The following STN1 variants were observed in gnomAD, a reference collection of about 807,000 sequenced individuals.
The protein encoded by STN1 is STN1 subunit of CST complex.
A neutral mutation model predicts 45.5 loss-of-function variants in STN1; 29 were observed. The ratio of observed to expected loss-of-function variants is 0.64; its 90% CI spans 0.47 to 0.87. The LOEUF (loss-of-function observed/expected upper bound fraction) is 0.87, where lower values mean the gene tolerates loss of function less well. Ranked by LOEUF, STN1 falls within the 40% of genes least tolerant of loss-of-function variation. STN1 has a pLI of 0.00. For synonymous variants in STN1, 148 were observed against 159.0 expected, an observed-to-expected ratio of 0.93 and a Z score of 0.52; for missense variants, 376 against 441.4, an observed-to-expected ratio of 0.85 and a Z score of 1.33.
intron 6 of STN1, among the ~76,000 whole-genome samples, chr10:103,898,050 T>C (rs1167010078): frequency 6.6e-6 from 1 of 152,158 alleles, no homozygotes; most frequent in African/African-American, 2.4e-5. Flanking sequence ...AAGAAACTAA[T>C]TTAAAAAGAC....
At chr10:103,908,215 A>G (rs1014044240) in intron 3 of STN1, among the ~76,000 whole-genome samples, 7 of 151,956 alleles carry the variant, frequency 4.6e-5, no homozygotes, top group Non-Finnish European at 8.8e-5. Flanking sequence ...CCAATATTCT[A>G]GGTCTAAGCT....
At chr10:103,894,660 T>A (rs1232186876) in intron 7 of STN1, among the ~76,000 whole-genome samples, 1 of 144,824 alleles carries the variant, frequency 6.9e-6, no homozygotes, top group Non-Finnish European at 1.5e-5. Context: ...GACAGACTCA[T>A]CAGATTTAGG....
At chr10:103,916,049 G>C (rs927078375) in intron 2 of STN1, among the ~76,000 whole-genome samples, 1 of 152,206 alleles carries the variant, frequency 6.6e-6, no homozygotes, top group Non-Finnish European at 1.5e-5. Flanking sequence ...CCATGTACCA[G>C]TAGTGGTCTG....
At chr10:103,916,533 C>T (rs890934635) in intron 2 of STN1, among the ~76,000 whole-genome samples, 3 of 152,226 alleles carry the variant, frequency 2.0e-5, no homozygotes, top group Non-Finnish European at 4.4e-5. Flanking sequence ...ACAAACAAAA[C>T]CTTATCTCAT....
chr10:103,907,494 C>T (rs914390351), intron 3 of STN1, among the ~76,000 whole-genome samples: 1 of 152,040 alleles, frequency 6.6e-6, no homozygotes, highest in Non-Finnish European at 1.5e-5. Flanking sequence ...GACTGTAAGC[C>T]TAATTTCAGA....
intron 4 of STN1, among the ~76,000 whole-genome samples, chr10:103,902,857 T>A (rs1319048006): frequency 1.3e-5 from 2 of 152,224 alleles, no homozygotes; most frequent in Non-Finnish European, 2.9e-5. Flanking sequence ...GGTTTTCTCC[T>A]TCTACTCTTA....
chr10:103,892,189 G>A lies in STN1; in HGVS notation c.817C>T (p.Leu273=), dbSNP rs771313798. 50 of 1,612,052 alleles carry A rather than the reference G, an allele frequency of 3.1e-5. No individual in the cohort carries two copies. The highest frequency in any genetic ancestry group is 4.2e-5 in the Non-Finnish European group (49 of 1,178,862). Residue 273 remains leucine, a synonymous_variant, in exon 8 of 10, where the codon CTG becomes TTG. Transcript: ENST00000224950. ...AAAACAAGTCCTTTTTCCTGCAGCAGTTGTATAGCATTCTTAAATATACTA... is the reference window on the plus strand; with the variant it reads ...AAAACAAGTCCTTTTTCCTGCAGCAATTGTATAGCATTCTTAAATATACTA... ...IHSIFKNAIQ[L]LQEKGLVFQK... is the part of the protein sequence containing the mutation.
intron 3 of STN1, among the ~76,000 whole-genome samples, chr10:103,909,444 GTATATATGTATA>G (rs1564635048): frequency 2.0e-5 from 1 of 49,918 alleles, no homozygotes; most frequent in Non-Finnish European, 4.6e-5. Context: ...GTATATATAT[GTATATATGTATA>G]TATGTATATA....
intron 7 of STN1, among the ~76,000 whole-genome samples, chr10:103,893,802 T>C (rs1418778207): frequency 6.6e-6 from 1 of 152,230 alleles, no homozygotes; most frequent in East Asian, 1.9e-4. Flanking sequence ...TTCACAAATG[T>C]GTTCTCCTGG....
Position 103,880,716 on chromosome 10 carries a change from G to A in STN1, c.*1968C>T, listed in dbSNP as rs1462705087. On this transcript the variant is annotated 3_prime_UTR_variant, in exon 10 of 10. Transcript: ENST00000224950. ...GATGGTATAATCCATGTGGCTGCTGGAGACACCCCAGTGAGCAAGCCAGAT... is the reference window on the plus strand; with the variant it reads ...GATGGTATAATCCATGTGGCTGCTGAAGACACCCCAGTGAGCAAGCCAGAT... Among the ~76,000 whole-genome samples, 3 of 152,182 alleles carry A rather than the reference G, an allele frequency of 2.0e-5. No individual in the cohort carries two copies. The highest frequency in any genetic ancestry group is 7.2e-5 in the African/African-American group (3 of 41,430).
chr10:103,914,335 CATATATATATAT>C (rs1239270984), intron 2 of STN1, among the ~76,000 whole-genome samples: 3,639 of 34,860 alleles, frequency 0.1, 264 homozygotes, highest in Non-Finnish European at 0.11. Flanking sequence ...ATTAAAAATA[CATATATATATAT>C]ATATATATAT....
Position 103,917,596 on chromosome 10 carries a change from A to T in STN1, c.-2T>A. On this transcript the variant is annotated 5_prime_UTR_variant, in exon 2 of 10. Transcript: ENST00000224950. ...ACACCGGCTGGATCCAGGCTGCATC[A>T]AGAGGCAGGGCTGTGGCTTCCAGCT... 6.2e-7 allele frequency: 1 copy of T among 1,613,706 alleles called. No homozygotes were observed. The highest frequency in any genetic ancestry group is 8.5e-7 in the Non-Finnish European group (1 of 1,179,734).
intron 3 of STN1, among the ~76,000 whole-genome samples, chr10:103,910,163 G>C (rs544423454): frequency 6.6e-6 from 1 of 152,146 alleles, no homozygotes; most frequent in South Asian, 2.1e-4. Context: ...TCTGGTCTTC[G>C]CTTTTTAAAG....
At chr10:103,901,423 T>C (rs998792941) in intron 4 of STN1, among the ~76,000 whole-genome samples, 1 of 152,198 alleles carries the variant, frequency 6.6e-6, no homozygotes, top group African/African-American at 2.4e-5. Context: ...GGGGGCAGTA[T>C]AGCTCAGCCA....
At chr10:103,897,862 A>G in intron 6 of STN1, 143 bp from the exon 7 acceptor site, 1 of 687,632 alleles carries the variant, frequency 1.5e-6, no homozygotes, top group East Asian at 2.8e-5. Context: ...TATACAGGGA[A>G]CATCATGTGG....
rs369269804 is a variant in STN1, at chr10:103,900,730, A to ACACT, written c.296-508_296-507insAGTG. ...CTCTCTCTCACACACACACACACACACTCTCTCTCTCTCTCACACTTTCTC... is the reference window on the plus strand; with the variant it reads ...CTCTCTCTCACACACACACACACACACACTCTCTCTCTCTCTCTCACACTTTCTC... On this transcript the variant is annotated intron_variant, in intron 4 of 9. Coordinates refer to ENST00000224950, the MANE Select transcript of STN1 (RefSeq NM_024928.5). Among the ~76,000 whole-genome samples the ACACT allele has an allele frequency of 4.2e-3, 608 of 146,188 alleles. 18 individuals carry two copies. The highest frequency in any genetic ancestry group is 3.8e-3 in the East Asian group (19 of 4,980).
chr10:103,911,818 C>T (rs1843292940), intron 2 of STN1, among the ~76,000 whole-genome samples: 1 of 152,196 alleles, frequency 6.6e-6, no homozygotes, highest in African/African-American at 2.4e-5. Flanking sequence ...TCCCGACGCC[C>T]CTTATAACCC....
In STN1 at chr10:103,877,972, A is replaced by G. The variant is rs1187331256; in HGVS notation, c.*4712T>C. On this transcript the variant is annotated 3_prime_UTR_variant, in exon 10 of 10. Coordinates refer to ENST00000224950, the MANE Select transcript of STN1 (RefSeq NM_024928.5). ...GATGTTTCCATCATGGAAAATTACA[A>G]GTTTACTTGGTTTCAGTCCTTGGCA... The G allele has an allele frequency of 6.6e-6, 1 of 152,250 alleles. No homozygotes were observed. The highest frequency in any genetic ancestry group is 2.1e-4 in the South Asian group (1 of 4,834). The allele number at this position is 152,250 out of a possible 1,614,324, so 9.4% of individuals were successfully genotyped here.
intron 8 of STN1, among the ~76,000 whole-genome samples, chr10:103,889,540 A>G (rs1215500208): frequency 2.7e-5 from 4 of 149,576 alleles, no homozygotes; most frequent in Non-Finnish European, 4.4e-5. Flanking sequence ...GTGTTGCATC[A>G]GTTTTCTTGC....
Sources: gnomAD v4.1 joint callset for allele counts (sites outside exome capture counted in the v4.1 genomes callset) on GRCh38, gnomAD v4.1.1 for gene constraint, MANE v1.5 for transcripts, NCBI Gene and HGNC (gene_info 2026-07-23, HGNC 2026-07-21) for gene names.